The following OTUD7A variants were observed in gnomAD, a reference collection of about 807,000 sequenced individuals.
OTUD7A encodes the protein OTU domain-containing protein 7A.
OTUD7A carries 12 observed loss-of-function variants against 65.7 expected under a neutral mutation model. The observed-to-expected ratio is 0.18, with a 90% CI of 0.12 to 0.30. The LOEUF is 0.30. OTUD7A is among the 10% of genes least tolerant of loss of function. The pLI, the probability that OTUD7A is intolerant of heterozygous loss-of-function variation, is 1.00. For synonymous variants in OTUD7A, 641 were observed against 586.3 expected (o/e 1.09, Z -1.35); for missense variants, 1,148 against 1,304.8 (o/e 0.88, Z 1.85).
intron 8 of OTUD7A, among the ~76,000 whole-genome samples, chr15:31,525,168 G>A (rs116418504): frequency 0.038 from 5,774 of 152,270 alleles, 365 homozygotes; most frequent in African/African-American, 0.13. Flanking sequence ...AGGGAGAGAG[G>A]CAACTGTGAA....
intron 3 of OTUD7A, among the ~76,000 whole-genome samples, chr15:31,572,920 T>C (rs912278093): frequency 1.4e-4 from 22 of 152,076 alleles, no homozygotes; most frequent in African/African-American, 4.6e-4. Context: ...ACTCATAATT[T>C]GAGCCCCAAA....
intron 1 of OTUD7A, among the ~76,000 whole-genome samples, chr15:31,830,785 T>C (rs899262340): frequency 2.0e-5 from 3 of 152,226 alleles, no homozygotes; most frequent in Non-Finnish European, 2.9e-5. Flanking sequence ...GTCAGAATTT[T>C]CTTAGTCATC....
At chr15:31,661,817 T>A (rs2141285422) in intron 1 of OTUD7A, among the ~76,000 whole-genome samples, 1 of 152,344 alleles carries the variant, frequency 6.6e-6, no homozygotes, top group South Asian at 2.1e-4. Flanking sequence ...TTTGTTTGAA[T>A]CAGAATTCAA....
intron 3 of OTUD7A, among the ~76,000 whole-genome samples, chr15:31,597,369 C>T (rs577706579): frequency 6.6e-6 from 1 of 152,162 alleles, no homozygotes; most frequent in Non-Finnish European, 1.5e-5. Context: ...GATTTTCCCT[C>T]CATGCCTTCT....
At chr15:31,485,168 A>T (rs1178807282) in intron 12 of OTUD7A, among the ~76,000 whole-genome samples, 1 of 152,198 alleles carries the variant, frequency 6.6e-6, no homozygotes, top group African/African-American at 2.4e-5. Flanking sequence ...CTGCTTGACC[A>T]GACACAGGTC....
chr15:31,781,168 A>C (rs1348820290), intron 1 of OTUD7A, among the ~76,000 whole-genome samples: 1 of 152,130 alleles, frequency 6.6e-6, no homozygotes, highest in East Asian at 1.9e-4. Context: ...GGATCAATAG[A>C]ATACAGCAGA....
intron 3 of OTUD7A, among the ~76,000 whole-genome samples, chr15:31,583,311 T>C (rs1316851754): frequency 1.3e-5 from 2 of 152,180 alleles, no homozygotes; most frequent in African/African-American, 2.4e-5. Context: ...GTTGCACAGA[T>C]GCATGGCAGA....
intron 1 of OTUD7A, among the ~76,000 whole-genome samples, chr15:31,691,400 T>C (rs1892959606): frequency 6.6e-6 from 1 of 152,048 alleles, no homozygotes; most frequent in Non-Finnish European, 1.5e-5. Flanking sequence ...CATCAACCAA[T>C]GGAACAGAAC....
At chr15:31,775,605 T>C (rs1025620137) in intron 1 of OTUD7A, among the ~76,000 whole-genome samples, 20 of 152,120 alleles carry the variant, frequency 1.3e-4, no homozygotes, top group Admixed American at 2.0e-4. Flanking sequence ...AAAATACTCT[T>C]TGAAGCTGAA....
At chr15:31,726,585 T>G (rs1278763857) in intron 1 of OTUD7A, among the ~76,000 whole-genome samples, 2 of 152,198 alleles carry the variant, frequency 1.3e-5, no homozygotes, top group Non-Finnish European at 2.9e-5. Context: ...AACAAATCAT[T>G]TTGCAAAGCA....
intron 9 of OTUD7A, among the ~76,000 whole-genome samples, chr15:31,502,442 C>T (rs2041483105): frequency 6.6e-6 from 1 of 152,212 alleles, no homozygotes; most frequent in Non-Finnish European, 1.5e-5. Context: ...AAAGCAGCAT[C>T]TGCTTTGAGG....
chr15:31,863,402 G>A (rs1897795808), intron 1 of OTUD7A, among the ~76,000 whole-genome samples: 1 of 152,192 alleles, frequency 6.6e-6, no homozygotes, highest in African/African-American at 2.4e-5. Flanking sequence ...CCCCACCCCT[G>A]CAGCAAACTT....
chr15:31,526,260 C>A, intron 8 of OTUD7A, 89 bp downstream of exon 8: 4 of 1,233,018 alleles, frequency 3.2e-6, no homozygotes, highest in Non-Finnish European at 4.4e-6. Flanking sequence ...GTCCCACATT[C>A]CCCCCCGTGC....
chr15:31,762,415 C>T (rs1272739146), intron 1 of OTUD7A, among the ~76,000 whole-genome samples: 1 of 152,176 alleles, frequency 6.6e-6, no homozygotes, highest in Non-Finnish European at 1.5e-5. Context: ...AAAGCCCTGG[C>T]TATCTGATCA....
At chr15:31,514,803 C>G (rs2041817809) in intron 8 of OTUD7A, among the ~76,000 whole-genome samples, 1 of 152,204 alleles carries the variant, frequency 6.6e-6, no homozygotes. Flanking sequence ...CTTACTTTTT[C>G]AGCAAGGAAG....
At chr15:31,656,173 T>C (rs1186157617) in intron 2 of OTUD7A, among the ~76,000 whole-genome samples, 2 of 152,194 alleles carry the variant, frequency 1.3e-5, no homozygotes, top group South Asian at 4.1e-4. Flanking sequence ...GTACAGCAGC[T>C]TGACCCAGGC....
In OTUD7A at chr15:31,501,842, G is replaced by A; in HGVS notation, c.1022-3C>T. On this transcript the variant is annotated splice_polypyrimidine_tract_variant and splice_region_variant and intron_variant, in intron 9 of 12. Coordinates refer to ENST00000307050, the MANE Select transcript of OTUD7A (RefSeq NM_001382637.1). Reference sequence around the variant, plus strand: ...TCCGAATGGGATGGGTGCGAACGCTGTGGACACAAACCAGGGTGAGGGTGT... The same window carrying A: ...TCCGAATGGGATGGGTGCGAACGCTATGGACACAAACCAGGGTGAGGGTGT... 5 of 1,606,900 alleles carry A rather than the reference G, an allele frequency of 3.1e-6. No individual in the cohort carries two copies. The South Asian group carries it at 5.5e-5, about 18-fold the overall frequency.
At chr15:31,858,584 G>A (rs187169296) in intron 1 of OTUD7A, among the ~76,000 whole-genome samples, 12 of 152,226 alleles carry the variant, frequency 7.9e-5, no homozygotes, top group Admixed American at 2.6e-4. Flanking sequence ...TTGCTCTCAC[G>A]GATGTACAAT....
At chr15:31,521,423 C>T (rs867634273) in intron 8 of OTUD7A, among the ~76,000 whole-genome samples, 1 of 152,020 alleles carries the variant, frequency 6.6e-6, no homozygotes, top group Non-Finnish European at 1.5e-5. Context: ...AAATTTGAGC[C>T]GGGTCCCACA....
Sources: gnomAD v4.1 joint callset for allele counts (sites outside exome capture counted in the v4.1 genomes callset) on GRCh38, gnomAD v4.1.1 for gene constraint, MANE v1.5 for transcripts, NCBI Gene and HGNC (gene_info 2026-07-23, HGNC 2026-07-21) for gene names.